Variants in COQ10B observed in about 807,000 individuals in gnomAD.
COQ10B encodes coenzyme Q-binding protein COQ10 homolog B, mitochondrial.
COQ10B carries 12 observed loss-of-function variants against 27.6 expected under a neutral mutation model. That is an observed-to-expected ratio of 0.43 (90% CI 0.28 to 0.70). The LOEUF is 0.70. Among genes scored for constraint, COQ10B ranks in the 30% least tolerant of loss-of-function variants. The pLI is 0.17. For synonymous variants in COQ10B, 115 were observed against 103.0 expected, an observed-to-expected ratio of 1.12 and a Z score of -0.71; for missense variants, 278 against 288.7, an observed-to-expected ratio of 0.96 and a Z score of 0.27.
chr2:197,468,298 C>G (rs2085846129), intron 3 of COQ10B, among the ~76,000 whole-genome samples: 2 of 151,770 alleles, frequency 1.3e-5, no homozygotes, highest in African/African-American at 4.8e-5. Flanking sequence ...AAAAAATTAG[C>G]CGAGCATGGT....
chr2:197,473,969 T>A lies in COQ10B; in HGVS notation c.*45T>A. The A allele has an allele frequency of 7.1e-7, 1 of 1,405,730 alleles. No homozygotes were observed. The highest frequency in any genetic ancestry group is 9.4e-7 in the Non-Finnish European group (1 of 1,058,414). 87.1% of individuals were successfully genotyped at this position (1,405,730 alleles called of 1,614,324 possible). A position where few individuals can be genotyped will look rare whatever the true frequency, so the allele number is the denominator to read the frequency against. On this transcript the variant is annotated 3_prime_UTR_variant, in exon 5 of 5. Coordinates refer to ENST00000263960, the MANE Select transcript of COQ10B (RefSeq NM_025147.5). The stretch of plus-strand genomic sequence containing the variant: ...CCACCTGCTTCTGACTTTAGTTTGT[T>A]CACTTTTAGGAAGTATTTTCATGAC...
At chr2:197,470,233 A>AT in intron 4 of COQ10B, 62 bp downstream of exon 4, 2 of 915,276 alleles carry the variant, frequency 2.2e-6, no homozygotes, top group Admixed American at 2.3e-5. Flanking sequence ...AAAAGTAATC[A>AT]TTTTTTAGAA....
Position 197,473,928 on chromosome 2 carries a change from C to G in COQ10B, c.*4C>G. 2.7e-6 allele frequency: 4 copies of G among 1,471,624 alleles called. No individual in the cohort carries two copies. The highest frequency in any genetic ancestry group is 3.6e-6 in the Non-Finnish European group (4 of 1,101,346). The allele number at this position is 1,471,624 out of a possible 1,614,324, so 91.2% of individuals were successfully genotyped here. ...TCATGAAGTCCATCACACATAAAGG[C>G]AAAAAAGAACTGGTGCCACCTGCTT... is the stretch of plus-strand genomic sequence containing the variant. On this transcript the variant is annotated 3_prime_UTR_variant, in exon 5 of 5. Coordinates refer to ENST00000263960, the MANE Select transcript of COQ10B (RefSeq NM_025147.5).
chr2:197,459,443 G>A (rs1396187842), intron 1 of COQ10B, among the ~76,000 whole-genome samples: 1 of 152,126 alleles, frequency 6.6e-6, no homozygotes, highest in East Asian at 1.9e-4. Flanking sequence ...TGGGATTACA[G>A]GTTTGAGCCA....
At chr2:197,470,765 T>C (rs1026557230) in intron 4 of COQ10B, among the ~76,000 whole-genome samples, 3 of 152,080 alleles carry the variant, frequency 2.0e-5, no homozygotes, top group African/African-American at 7.2e-5. Context: ...CGTGGTGGCA[T>C]GTGCCTGTAA....
rs1432963526 is a variant in COQ10B at position 197,454,399 on chromosome 2, G to A, written c.104+735G>A. On this transcript the variant is annotated intron_variant, in intron 1 of 4. Coordinates refer to ENST00000263960, the MANE Select transcript of COQ10B (RefSeq NM_025147.5). ...AAATGAATTCAGGTGTACAAAATAC[G>A]AGGTGGGGAGAGAAAACACAAATCT... is the stretch of plus-strand genomic sequence containing the variant. 3.9e-5 allele frequency among the ~76,000 whole-genome samples: 6 copies of A among 152,080 alleles called. No individual in the cohort carries two copies. In the East Asian group the frequency reaches 1.2e-3, roughly 29 times the overall value.
intron 2 of COQ10B, 127 bp downstream of exon 2, chr2:197,460,208 TTC>T: frequency 1.6e-6 from 1 of 628,838 alleles, no homozygotes. Flanking sequence ...GTTGGCCTTT[TTC>T]TTTTTTTTTT....
chr2:197,463,212 G>A (rs1218951128), intron 3 of COQ10B, among the ~76,000 whole-genome samples: 1 of 152,120 alleles, frequency 6.6e-6, no homozygotes, highest in Non-Finnish European at 1.5e-5. Flanking sequence ...TGTGGCTCAC[G>A]CCTTTAATCC....
At chr2:197,471,822 G>A (rs2085880158) in intron 4 of COQ10B, among the ~76,000 whole-genome samples, 1 of 151,774 alleles carries the variant, frequency 6.6e-6, no homozygotes, top group South Asian at 2.1e-4. Context: ...CATGCCTGTA[G>A]TCCTAGCTAC....
chr2:197,471,205 T>C (rs2085873539), intron 4 of COQ10B, among the ~76,000 whole-genome samples: 1 of 152,136 alleles, frequency 6.6e-6, no homozygotes, highest in African/African-American at 2.4e-5. Flanking sequence ...TGCAGTGCTG[T>C]GATATTGACT....
Position 197,453,583 on chromosome 2 carries a change from C to T in COQ10B, c.23C>T (p.Thr8Met). 6.2e-7 allele frequency: 1 copy of T among 1,613,928 alleles called. No individual in the cohort carries two copies. The change falls in exon 1 of 5, where the codon ACG becomes ATG. Residue 8 changes from threonine (T) to methionine (M), a missense_variant. Physicochemically the swap from Thr to Met is moderately conservative, Grantham distance 81. This residue lies in a region of COQ10B where 183 missense variants were observed against 158.2 expected (regional missense o/e 1.16). Transcript: ENST00000263960. MAARTGH[T>M]ALRRVVSGCR... ...ATCATGGCAGCTCGGACTGGTCATA[C>T]GGCCTTGAGAAGGGTAGTCTCGGGA...
chr2:197,473,453 CAT>C (rs71956068), intron 4 of COQ10B, among the ~76,000 whole-genome samples: 3,200 of 37,458 alleles, frequency 0.085, 145 homozygotes, highest in African/African-American at 0.13. Context: ...CACATATATA[CAT>C]ATATATATAT....
intron 2 of COQ10B, 107 bp from the exon 3 acceptor site, chr2:197,462,432 A>G: frequency 1.6e-6 from 1 of 616,962 alleles, no homozygotes; most frequent in Non-Finnish European, 2.7e-6. Context: ...GTGCTGAATG[A>G]TTTATTTATC....
At chr2:197,460,203 C>T in intron 2 of COQ10B, 122 bp downstream of exon 2, 2 of 641,148 alleles carry the variant, frequency 3.1e-6, no homozygotes, top group Non-Finnish European at 4.8e-6. Flanking sequence ...TCTAGGTTGG[C>T]CTTTTTCTTT....
chr2:197,453,662 C>G lies in COQ10B; in HGVS notation c.102C>G (p.Gly34=). Reference sequence around the variant, plus strand: ...GGGCGCAGGCGCCCGTGCGGAATGGCAGGTAATCAACAGCGGGGGCGCTGA... The same window carrying G: ...GGGCGCAGGCGCCCGTGCGGAATGGGAGGTAATCAACAGCGGGGGCGCTGA... ...AAGAQAPVRN[G]RYLASCGILM... Residue 34 remains glycine, a splice_region_variant and synonymous_variant, in exon 1 of 5, where the codon GGC becomes GGG. Coordinates refer to ENST00000263960, the MANE Select transcript of COQ10B (RefSeq NM_025147.5). 6.2e-7 allele frequency: 1 copy of G among 1,612,800 alleles called. No homozygotes were observed. The highest frequency in any genetic ancestry group is 8.5e-7 in the Non-Finnish European group (1 of 1,179,018).
chr2:197,454,190 C>G, intron 1 of COQ10B: 1 of 1,454,552 alleles, frequency 6.9e-7, no homozygotes, highest in Non-Finnish European at 9.3e-7. Context: ...TTTTTTCACT[C>G]TGCTGTAACT....
At chr2:197,461,150 G>A (rs2085753289) in intron 2 of COQ10B, among the ~76,000 whole-genome samples, 1 of 152,140 alleles carries the variant, frequency 6.6e-6, no homozygotes, top group African/African-American at 2.4e-5. Flanking sequence ...GCTAGTCTCT[G>A]TATTAGTTAA....
chr2:197,456,697 A>G (rs1280628085), intron 1 of COQ10B, among the ~76,000 whole-genome samples: 1 of 151,986 alleles, frequency 6.6e-6, no homozygotes, highest in African/African-American at 2.4e-5. Context: ...CCCGGGAGGC[A>G]GAGCTTGCAG....
At chr2:197,463,476 T>TAAA (rs777842364) in intron 3 of COQ10B, among the ~76,000 whole-genome samples, 1 of 109,600 alleles carries the variant, frequency 9.1e-6, no homozygotes. Context: ...GTCTCAAAAT[T>TAAA]AAAAAAAAAA....
Sources: allele counts gnomAD v4.1 joint callset (sites outside exome capture counted in the v4.1 genomes callset), GRCh38; gene constraint gnomAD v4.1.1; regional missense constraint gnomAD v4.1.1; transcripts MANE v1.5; gene names NCBI Gene and HGNC (gene_info 2026-07-23, HGNC 2026-07-21).